The following KIF17 variants were observed in gnomAD, a reference collection of about 807,000 sequenced individuals.
The protein encoded by KIF17 is kinesin-like protein KIF17.
A neutral mutation model predicts 96.8 loss-of-function variants in KIF17; 80 were observed. The observed-to-expected ratio is 0.83, with a 90% CI of 0.69 to 1.00. The LOEUF (loss-of-function observed/expected upper bound fraction) is 1.00, where lower values mean the gene tolerates loss of function less well. Among genes scored for constraint, KIF17 ranks in the 50% least tolerant of loss-of-function variants. The probability of loss-of-function intolerance (pLI) is 0.00; values close to 1 mark genes in which losing one functional copy is unlikely to be tolerated. For missense variants in KIF17, 1,280 were observed against 1,372.9 expected (o/e 0.93, Z 1.07); for synonymous variants, 567 against 587.5 (o/e 0.97, Z 0.51).
At chr1:20,712,868 G>GAGA (rs2054494472) in intron 3 of KIF17, among the ~76,000 whole-genome samples, 1 of 32,246 alleles carries the variant, frequency 3.1e-5, no homozygotes. Flanking sequence ...CTATATTATA[G>GAGA]ATATTATCTA....
intron 11 of KIF17, 48 bp downstream of exon 11, chr1:20,682,605 C>A: frequency 6.4e-7 from 1 of 1,557,666 alleles, no homozygotes; most frequent in South Asian, 1.1e-5. Flanking sequence ...CGGGGGGTCT[C>A]ACCCATCTCT....
At chr1:20,713,428 C>T (rs1229491900) in intron 3 of KIF17, 26 bp downstream of exon 3, 1 of 1,570,960 alleles carries the variant, frequency 6.4e-7, no homozygotes, top group East Asian at 2.2e-5. Flanking sequence ...ACCAGCCCCA[C>T]CTGCCCACAA....
rs143070756 is a variant in KIF17, at chr1:20,709,038, G to A, written c.670+601C>T. On this transcript the variant is annotated intron_variant, in intron 4 of 14. Coordinates refer to ENST00000400463, the MANE Select transcript of KIF17 (RefSeq NM_001122819.3). The surrounding 1 kb of genome is among the most constrained non-coding windows in gnomAD (Gnocchi z 4.7). ...ATTTCTTCCTCTGTAAAATGGGGAT[G>A]ATTCAGTATCCACCTCATGGGAGTG... Among the ~76,000 whole-genome samples, 97 of 152,320 alleles carry A rather than the reference G, an allele frequency of 6.4e-4. No individual in the cohort carries two copies. Among genetic ancestry groups the A allele is most frequent in the African/African-American group, 2.2e-3 (91 of 41,576 alleles).
intron 3 of KIF17, among the ~76,000 whole-genome samples, chr1:20,712,739 T>TAATATAGATATTATC (rs1557606736): frequency 1.8e-4 from 3 of 16,868 alleles, no homozygotes; most frequent in Non-Finnish European, 5.1e-4. Flanking sequence ...TCTATATATA[T>TAATATAGATATTATC]TATATATATA....
chr1:20,717,438 CCCTGCCGCCTGCAGGGCGG>C lies in KIF17; in HGVS notation c.231+19_231+37del. On this transcript the variant is annotated intron_variant, in intron 1 of 14. Transcript: ENST00000400463. The stretch of plus-strand genomic sequence containing the variant: ...TGGGGACTCTCGGGGCGGCCTCATG[CCCTGCCGCCTGCAGGGCGG>C]CCTGCCGGGCGCCCTCACCTCCACC... The C allele has an allele frequency of 6.2e-7, 1 of 1,605,886 alleles. No homozygotes were observed. Among genetic ancestry groups the C allele is most frequent in the Non-Finnish European group, 8.5e-7 (1 of 1,178,502 alleles).
chr1:20,686,013 G>A (rs767100874), intron 9 of KIF17, 33 bp downstream of exon 9: 64 of 1,517,144 alleles, frequency 4.2e-5, no homozygotes, highest in South Asian at 2.5e-4. Flanking sequence ...AGAGAACCCC[G>A]TCCCCCACAT....
chr1:20,663,537 G>A (rs1247375620), downstream of KIF17, among the ~76,000 whole-genome samples: 1 of 152,222 alleles, frequency 6.6e-6, no homozygotes, highest in African/African-American at 2.4e-5. Flanking sequence ...GAGGCTCAGA[G>A]TGAAATGAGG....
In KIF17 at chr1:20,682,855, C is replaced by A. The variant is rs1195332776; in HGVS notation, c.2261G>T (p.Gly754Val). ...GTCCTTGTTCTTGGCCTGCTCTCCACCCACAACCTGCTGCTCCAACAGCTG... is the reference window on the plus strand; with the variant it reads ...GTCCTTGTTCTTGGCCTGCTCTCCAACCACAACCTGCTGCTCCAACAGCTG... The part of the protein sequence containing the change: ...RLQLLEQQVV[G>V]GEQAKNKDLK... The change falls in exon 11 of 15, where the codon GGT becomes GTT. Residue 754 changes from glycine (G) to valine (V), a missense_variant. Physicochemically the swap from Gly to Val is moderately radical, Grantham distance 109. Coordinates refer to ENST00000400463, the MANE Select transcript of KIF17 (RefSeq NM_001122819.3). 1 of 1,611,776 alleles carries A rather than the reference C, an allele frequency of 6.2e-7. No homozygotes were observed. Among genetic ancestry groups the A allele is most frequent in the East Asian group, 2.2e-5 (1 of 44,880 alleles).
At chr1:20,676,148 A>G (rs771892221) in intron 11 of KIF17, among the ~76,000 whole-genome samples, 1 of 152,254 alleles carries the variant, frequency 6.6e-6, no homozygotes, top group Non-Finnish European at 1.5e-5. Context: ...TGACAGATTA[A>G]GGATCAGAGA....
At position 20,700,309 on chromosome 1, in the gene KIF17, G is replaced by A. The variant is rs1247929721; in HGVS notation, c.1124-1821C>T. ...TGGTCTCCAACTCCTGACCTCAAGT[G>A]ATCTGCCCACCTCGGCCTCCCAAAG... On this transcript the variant is annotated intron_variant, in intron 5 of 14. Transcript: ENST00000400463. The surrounding 1 kb of genome is among the most constrained non-coding windows in gnomAD (Gnocchi z 4.6). 6.6e-6 allele frequency among the ~76,000 whole-genome samples: 1 copy of A among 152,184 alleles called. No individual in the cohort carries two copies. Among genetic ancestry groups the A allele is most frequent in the African/African-American group, 2.4e-5 (1 of 41,444 alleles).
At chr1:20,714,232 C>G (rs1319673759) in intron 2 of KIF17, among the ~76,000 whole-genome samples, 1 of 152,038 alleles carries the variant, frequency 6.6e-6, no homozygotes, top group Admixed American at 6.5e-5. Flanking sequence ...GAGGCTGAGG[C>G]AGGAGAATGG....
At chr1:20,712,566 A>C (rs1194202589) in intron 3 of KIF17, among the ~76,000 whole-genome samples, 13 of 74,108 alleles carry the variant, frequency 1.8e-4, no homozygotes, top group South Asian at 8.3e-4. Flanking sequence ...TATATTATAT[A>C]TATAGATAAT....
downstream of KIF17, among the ~76,000 whole-genome samples, chr1:20,662,818 C>T (rs376598802): frequency 3.3e-5 from 5 of 152,212 alleles, no homozygotes; most frequent in African/African-American, 4.8e-5. Context: ...CAGCGCTCTC[C>T]GCCAGGAGCG....
intron 6 of KIF17, among the ~76,000 whole-genome samples, chr1:20,695,066 AC>A (rs1347515111): frequency 6.6e-6 from 1 of 152,056 alleles, no homozygotes; most frequent in African/African-American, 2.4e-5. Context: ...ATACACATGC[AC>A]CCACAGACAC....
At position 20,717,470 on chromosome 1, in the gene KIF17, C is replaced by T. The variant is rs766773300; in HGVS notation, c.231+6G>A. 8 of 1,610,368 alleles carry T rather than the reference C, an allele frequency of 5.0e-6. No homozygotes were observed. In the African/African-American group the frequency reaches 5.3e-5, roughly 11 times the overall value. ...GCCTGCAGGGCGGCCTGCCGGGCGC[C>T]CTCACCTCCACCAGCGGATAGGCGA... On this transcript the variant is annotated splice_donor_region_variant and intron_variant, in intron 1 of 14. Transcript: ENST00000400463.
At position 20,684,999 on chromosome 1, in the gene KIF17, C is replaced by G. The variant is rs560975253; in HGVS notation, c.2041G>C (p.Val681Leu). 77 of 1,600,696 alleles carry G rather than the reference C, an allele frequency of 4.8e-5. No homozygotes were observed. The African/African-American group carries it at 9.8e-4, about 20-fold the overall frequency. Residue 681 changes from valine (V) to leucine (L), a missense_variant, in exon 10 of 15, where the codon GTG (valine) becomes CTG (leucine). Val to Leu is a conservative substitution (Grantham distance 32). Transcript: ENST00000400463. ...PRPEVDLASE[V>L]ALEVVRTAEP... The stretch of plus-strand genomic sequence containing the variant: ...GCTGTCCGCACCACCTCTAAGGCCA[C>G]TTCCGAGGCCAGATCTACCTCCTGA...
rs553062752 is a variant in KIF17 at position 20,699,498 on chromosome 1, G to A, written c.1124-1010C>T. Among the ~76,000 whole-genome samples the A allele has an allele frequency of 1.5e-4, 23 of 152,330 alleles. No homozygotes were observed. In the South Asian group the frequency reaches 4.1e-3, roughly 27 times the overall value. The stretch of plus-strand genomic sequence containing the variant: ...GGAGGATTGCTTGAACCAGATGGGC[G>A]GAGGTTGCAGTGAGCTGAGATGGCG... On this transcript the variant is annotated intron_variant, in intron 5 of 14. Transcript: ENST00000400463. This position sits in a 1 kb window ranked among gnomAD's most constrained non-coding sequence, Gnocchi z 4.3.
At chr1:20,675,978 T>C (rs1229882627) in intron 11 of KIF17, among the ~76,000 whole-genome samples, 2 of 152,246 alleles carry the variant, frequency 1.3e-5, no homozygotes, top group African/African-American at 2.4e-5. Flanking sequence ...AGATGGAGGT[T>C]GCAGTGAGCG....
Position 20,687,851 on chromosome 1 carries a change from T to C in KIF17, c.1475A>G (p.Tyr492Cys), listed in dbSNP as rs1254671886. ...GACCTTGGGTTTCACCACTGTCTCA[T>C]ACTGAAAAGCAGGCGGGTACTCAGC... Reference protein sequence around the residue: ...SSAEYPPAFQYETVVKPKVFS... With the variant: ...SSAEYPPAFQCETVVKPKVFS... Residue 492 changes from tyrosine to cysteine, a missense_variant, in exon 8 of 15, where the codon TAT becomes TGT. Coordinates refer to ENST00000400463, the MANE Select transcript of KIF17 (RefSeq NM_001122819.3). This position sits in a 1 kb window ranked among gnomAD's most constrained non-coding sequence, Gnocchi z 4.4. 14 of 1,614,038 alleles carry C rather than the reference T, an allele frequency of 8.7e-6. No homozygotes were observed. Among genetic ancestry groups the C allele is most frequent in the Non-Finnish European group, 1.1e-5 (13 of 1,180,004 alleles).
Sources: allele counts gnomAD v4.1 joint callset (sites outside exome capture counted in the v4.1 genomes callset), GRCh38; gene constraint gnomAD v4.1.1; non-coding constraint Gnocchi (gnomAD v3.1); transcripts MANE v1.5; gene names NCBI Gene and HGNC (gene_info 2026-07-23, HGNC 2026-07-21).